Variants in DIAPH3 observed in about 807,000 individuals in gnomAD.
DIAPH3 encodes the protein diaphanous related formin 3.
In DIAPH3, 117 loss-of-function variants were observed where a neutral mutation model predicts 144.3. The observed-to-expected ratio is 0.81, with a 90% CI of 0.70 to 0.95. The LOEUF (loss-of-function observed/expected upper bound fraction) is 0.95, where lower values mean the gene tolerates loss of function less well. Ranked by LOEUF, DIAPH3 falls within the 40% of genes least tolerant of loss-of-function variation. DIAPH3 has a pLI of 0.00. For synonymous variants in DIAPH3, 519 were observed against 488.9 expected (o/e 1.06, Z -0.81); for missense variants, 1,421 against 1,412.7 (o/e 1.01, Z -0.09).
chr13:59,949,929 T>A (rs1405180716), intron 17 of DIAPH3, among the ~76,000 whole-genome samples: 3 of 152,134 alleles, frequency 2.0e-5, no homozygotes, highest in Non-Finnish European at 4.4e-5. Context: ...CTCAAAGAGC[T>A]TTTATAGCTA....
At chr13:59,927,058 C>T (rs1238397728) in intron 17 of DIAPH3, among the ~76,000 whole-genome samples, 1 of 152,114 alleles carries the variant, frequency 6.6e-6, no homozygotes, top group East Asian at 1.9e-4. Context: ...GAATTGGTCC[C>T]TTTATCATTA....
chr13:59,675,636 G>C (rs1489979840), intron 27 of DIAPH3, among the ~76,000 whole-genome samples: 3 of 152,034 alleles, frequency 2.0e-5, no homozygotes, highest in African/African-American at 7.2e-5. Flanking sequence ...CACCCGCCTT[G>C]GTCTATTTTA....
intron 3 of DIAPH3, among the ~76,000 whole-genome samples, chr13:60,098,477 G>A (rs1319605345): frequency 6.6e-6 from 1 of 152,030 alleles, no homozygotes; most frequent in African/African-American, 2.4e-5. Flanking sequence ...GGGTGCACCA[G>A]CCTGGTAAAA....
At chr13:59,737,459 A>G (rs760320239) in intron 27 of DIAPH3, among the ~76,000 whole-genome samples, 17 of 152,238 alleles carry the variant, frequency 1.1e-4, no homozygotes, top group Non-Finnish European at 2.2e-4. Context: ...ACATAGAAAT[A>G]TGAACAAAAC....
chr13:59,762,325 G>T (rs1423558688), intron 27 of DIAPH3, among the ~76,000 whole-genome samples: 2 of 152,082 alleles, frequency 1.3e-5, no homozygotes. Flanking sequence ...CTCCCAAAGT[G>T]CTGGGATTAC....
chr13:60,134,616 T>G (rs1159072798), intron 1 of DIAPH3, among the ~76,000 whole-genome samples: 1 of 152,204 alleles, frequency 6.6e-6, no homozygotes, highest in African/African-American at 2.4e-5. Context: ...GTTAACCACA[T>G]TTCACTCTTG....
intron 5 of DIAPH3, among the ~76,000 whole-genome samples, chr13:60,023,691 C>G (rs1446765337): frequency 3.3e-5 from 5 of 152,018 alleles, no homozygotes. Context: ...GCCTCAGCCT[C>G]CCAAAGTGCT....
intron 17 of DIAPH3, among the ~76,000 whole-genome samples, chr13:59,930,976 A>G (rs150498130): frequency 6.6e-6 from 1 of 152,278 alleles, no homozygotes; most frequent in Non-Finnish European, 1.5e-5. Context: ...TTGAATAACC[A>G]ACTGCTCCCT....
intron 2 of DIAPH3, among the ~76,000 whole-genome samples, chr13:60,131,946 ATCTG>A (rs1247185795): frequency 6.6e-6 from 1 of 152,204 alleles, no homozygotes; most frequent in Non-Finnish European, 1.5e-5. Flanking sequence ...AAGCTACTTA[ATCTG>A]TCTGAGCCTC....
At chr13:59,778,041 A>G (rs1347477487) in intron 25 of DIAPH3, among the ~76,000 whole-genome samples, 1 of 152,206 alleles carries the variant, frequency 6.6e-6, no homozygotes. Flanking sequence ...GAATAATCTC[A>G]TTGTTCTTAG....
chr13:59,931,725 A>G (rs2048029307), intron 17 of DIAPH3, among the ~76,000 whole-genome samples: 1 of 152,216 alleles, frequency 6.6e-6, no homozygotes, highest in African/African-American at 2.4e-5. Context: ...GGCTTAAGCA[A>G]TCAGATAGAT....
At chr13:59,800,642 A>G (rs2039855855) in intron 25 of DIAPH3, among the ~76,000 whole-genome samples, 1 of 152,250 alleles carries the variant, frequency 6.6e-6, no homozygotes, top group Non-Finnish European at 1.5e-5. Context: ...TTAATGATAG[A>G]ATCAATTAGA....
intron 24 of DIAPH3, among the ~76,000 whole-genome samples, chr13:59,829,581 T>C (rs1398867357): frequency 6.6e-6 from 1 of 151,974 alleles, no homozygotes; most frequent in Non-Finnish European, 1.5e-5. Context: ...TCCAGACGCA[T>C]GGTTAGCTCT....
At chr13:59,774,874 A>T in intron 25 of DIAPH3, 51 bp from the exon 26 acceptor site, 17 of 1,480,696 alleles carry the variant, frequency 1.1e-5, no homozygotes, top group Non-Finnish European at 1.6e-5. Context: ...TTACCATAGC[A>T]ATGTCAAAGC....
intron 5 of DIAPH3, among the ~76,000 whole-genome samples, chr13:60,023,654 G>A (rs376918552): frequency 1.5e-4 from 22 of 151,458 alleles, no homozygotes; most frequent in Middle Eastern, 3.4e-3. Flanking sequence ...GGCTAGTCTC[G>A]AAGTCCTGAC....
At chr13:59,760,376 G>C (rs73529632) in intron 27 of DIAPH3, among the ~76,000 whole-genome samples, 1,777 of 152,258 alleles carry the variant, frequency 0.012, 54 homozygotes, top group African/African-American at 0.041. Flanking sequence ...CAACTCTTCA[G>C]AGTAACTATA....
chr13:59,875,798 C>T (rs1356606062), intron 21 of DIAPH3, among the ~76,000 whole-genome samples: 4 of 152,102 alleles, frequency 2.6e-5, no homozygotes, highest in Admixed American at 2.6e-4. Context: ...TCATATGTCA[C>T]ATGAAATCTT....
At chr13:59,810,710 T>C in intron 25 of DIAPH3, 78 bp downstream of exon 25, 1 of 1,487,946 alleles carries the variant, frequency 6.7e-7, no homozygotes, top group Non-Finnish European at 9.2e-7. Flanking sequence ...TTTCACTAAG[T>C]TCATTAATAT....
At chr13:59,867,378 T>C (rs958382585) in intron 21 of DIAPH3, among the ~76,000 whole-genome samples, 1 of 151,806 alleles carries the variant, frequency 6.6e-6, no homozygotes, top group Non-Finnish European at 1.5e-5. Context: ...AATATAACTT[T>C]CTTAATAATT....
Sources: gnomAD v4.1 joint callset for allele counts (sites outside exome capture counted in the v4.1 genomes callset) on GRCh38, gnomAD v4.1.1 for gene constraint, MANE v1.5 for transcripts, NCBI Gene and HGNC (gene_info 2026-07-23, HGNC 2026-07-21) for gene names.